Variants in SLC35F3 observed in about 807,000 individuals in gnomAD.
The protein encoded by SLC35F3 is putative thiamine transporter SLC35F3.
Under a neutral mutation model 49.9 loss-of-function variants are expected in SLC35F3, and 25 were observed. That is an observed-to-expected ratio of 0.50 (90% CI 0.37 to 0.70). The LOEUF (loss-of-function observed/expected upper bound fraction) is 0.70. SLC35F3 is among the 30% of genes least tolerant of loss of function. SLC35F3 has a pLI of 0.00. For missense variants in SLC35F3, 525 were observed against 639.8 expected, an observed-to-expected ratio of 0.82 and a Z score of 1.94; for synonymous variants, 275 against 265.4, an observed-to-expected ratio of 1.04 and a Z score of -0.35.
chr1:234,066,819 C>T (rs1435931652), intron 2 of SLC35F3, among the ~76,000 whole-genome samples: 1 of 135,648 alleles, frequency 7.4e-6, no homozygotes, highest in Non-Finnish European at 1.5e-5. Context: ...CTGTCTCTGT[C>T]CCTCTCTCTC....
chr1:234,146,714 A>G (rs1332360351), intron 2 of SLC35F3, among the ~76,000 whole-genome samples: 1 of 151,796 alleles, frequency 6.6e-6, no homozygotes, highest in African/African-American at 2.4e-5. Flanking sequence ...GGGTTTCTCC[A>G]TGTTTGTCAG....
At chr1:233,978,344 A>G (rs185814403) in intron 2 of SLC35F3, among the ~76,000 whole-genome samples, 3 of 152,202 alleles carry the variant, frequency 2.0e-5, no homozygotes, top group Admixed American at 6.5e-5. Context: ...ATTCAATTGC[A>G]TTGATTTCTT....
chr1:233,919,922 G>A (rs1280796808), intron 2 of SLC35F3, among the ~76,000 whole-genome samples: 1 of 152,092 alleles, frequency 6.6e-6, no homozygotes, highest in African/African-American at 2.4e-5. Context: ...CTCCTTCCTC[G>A]CTCTGTACTC....
chr1:234,285,376 C>G, intron 3 of SLC35F3: 1 of 474,744 alleles, frequency 2.1e-6, no homozygotes, highest in South Asian at 1.5e-5. Flanking sequence ...TGTTCAGTAT[C>G]TCAAGCCAAG....
At position 234,269,820 on chromosome 1, in the gene SLC35F3, C is replaced by T. The variant is rs567910419; in HGVS notation, c.608+38079C>T. Among the ~76,000 whole-genome samples, 8 of 152,180 alleles carry T rather than the reference C, an allele frequency of 5.3e-5. No homozygotes were observed. The South Asian group carries it at 1.7e-3, about 32-fold the overall frequency. Reference sequence around the variant, plus strand: ...AGCTGGTTTTTTAAAAAATGGCTGGCACCCCAACCTTCTCTCTTGCTTCCC... The same window carrying T: ...AGCTGGTTTTTTAAAAAATGGCTGGTACCCCAACCTTCTCTCTTGCTTCCC... On this transcript the variant is annotated intron_variant, in intron 3 of 7. Transcript: ENST00000366618.
At position 234,236,470 on chromosome 1, in the gene SLC35F3, A is replaced by T. The variant is rs146161956; in HGVS notation, c.608+4729A>T. Among the ~76,000 whole-genome samples, 6 of 152,134 alleles carry T rather than the reference A, an allele frequency of 3.9e-5. No homozygotes were observed. In the East Asian group the frequency reaches 9.7e-4, roughly 25 times the overall value. ...AAAAAAAAAGAAGTTAGCCAGAAAC[A>T]ATTTATTTAAGGACAAGCAGATGGT... On this transcript the variant is annotated intron_variant, in intron 3 of 7. Transcript: ENST00000366618.
chr1:234,058,088 TACC>T (rs1664481730), intron 2 of SLC35F3, among the ~76,000 whole-genome samples: 7 of 152,134 alleles, frequency 4.6e-5, no homozygotes, highest in Non-Finnish European at 1.0e-4. Context: ...TTTGCATACA[TACC>T]CTTATCAGGG....
chr1:234,321,626 A>C (rs1270890486), intron 7 of SLC35F3, among the ~76,000 whole-genome samples: 2 of 152,192 alleles, frequency 1.3e-5, no homozygotes, highest in African/African-American at 4.8e-5. Flanking sequence ...TCAGCGTATA[A>C]TATGGCCAGG....
At chr1:233,944,099 T>A (rs1662474287) in intron 2 of SLC35F3, among the ~76,000 whole-genome samples, 1 of 152,088 alleles carries the variant, frequency 6.6e-6, no homozygotes, top group East Asian at 1.9e-4. Context: ...AAGATCTCAA[T>A]TTAACAACCT....
At chr1:234,097,131 T>C (rs1665137519) in intron 2 of SLC35F3, among the ~76,000 whole-genome samples, 1 of 152,062 alleles carries the variant, frequency 6.6e-6, no homozygotes, top group Non-Finnish European at 1.5e-5. Context: ...TCAGGTGATC[T>C]GCCCACCTCA....
intron 2 of SLC35F3, among the ~76,000 whole-genome samples, chr1:234,135,351 C>G (rs981512110): frequency 6.6e-6 from 1 of 152,052 alleles, no homozygotes. Context: ...GTATATGCAC[C>G]TATTATGTAC....
chr1:233,923,720 T>C (rs1662106393), intron 2 of SLC35F3, among the ~76,000 whole-genome samples: 1 of 152,228 alleles, frequency 6.6e-6, no homozygotes, highest in Non-Finnish European at 1.5e-5. Flanking sequence ...ATCCCTGTCT[T>C]GTGCCAGTTT....
At chr1:234,084,474 T>A (rs1049636803) in intron 2 of SLC35F3, among the ~76,000 whole-genome samples, 3 of 152,200 alleles carry the variant, frequency 2.0e-5, no homozygotes, top group African/African-American at 7.2e-5. Flanking sequence ...ACCAACTAAC[T>A]TTTGCAGCCT....
chr1:234,009,617 A>G lies in SLC35F3; in HGVS notation c.283+103859A>G, dbSNP rs141872858. Among the ~76,000 whole-genome samples the G allele has an allele frequency of 3.1e-4, 47 of 152,258 alleles. No homozygotes were observed. The East Asian group carries it at 8.1e-3, about 26-fold the overall frequency. On this transcript the variant is annotated intron_variant, in intron 2 of 7. Coordinates refer to ENST00000366618, the MANE Select transcript of SLC35F3 (RefSeq NM_173508.4). The stretch of plus-strand genomic sequence containing the variant: ...GCTGCATAATAACATTCAGCTGAAC[A>G]CCAGAATTGTGCAGTTTACTGAACA...
In SLC35F3 at chr1:233,957,206, A is replaced by G. The variant is rs1416965091; in HGVS notation, c.283+51448A>G. On this transcript the variant is annotated intron_variant, in intron 2 of 7. Transcript: ENST00000366618. This position sits in a 1 kb window ranked among gnomAD's most constrained non-coding sequence, Gnocchi z 4.0. ...AGTCTAGTTTCCAGAGTGGGAGGAG[A>G]TTGTTTTATGTCAGATATGAAATTG... Among the ~76,000 whole-genome samples, 1 of 152,074 alleles carries G rather than the reference A, an allele frequency of 6.6e-6. No individual in the cohort carries two copies. The highest frequency in any genetic ancestry group is 2.4e-5 in the African/African-American group (1 of 41,402).
At chr1:234,057,293 A>G (rs1451221494) in intron 2 of SLC35F3, among the ~76,000 whole-genome samples, 1 of 152,212 alleles carries the variant, frequency 6.6e-6, no homozygotes, top group East Asian at 1.9e-4. Context: ...ATCTAGTAAC[A>G]TGGTATCCTT....
intron 2 of SLC35F3, among the ~76,000 whole-genome samples, chr1:233,938,893 T>C (rs1662377384): frequency 6.6e-6 from 1 of 152,200 alleles, no homozygotes; most frequent in Non-Finnish European, 1.5e-5. Flanking sequence ...AATGTCAAAC[T>C]GCAACACTGC....
rs548587946 is a variant in SLC35F3 at position 234,084,839 on chromosome 1, A to T, written c.284-146578A>T. Among the ~76,000 whole-genome samples the T allele has an allele frequency of 5.9e-5, 9 of 152,260 alleles. No individual in the cohort carries two copies. The South Asian group carries it at 1.7e-3, about 28-fold the overall frequency. On this transcript the variant is annotated intron_variant, in intron 2 of 7. Coordinates refer to ENST00000366618, the MANE Select transcript of SLC35F3 (RefSeq NM_173508.4). ...ATGTATTGTAGTATCTTCAGATTGG[A>T]GCACCTCCCTGGATTTGTTTTTGGG...
chr1:234,133,587 T>C (rs1665765651), intron 2 of SLC35F3, among the ~76,000 whole-genome samples: 1 of 152,202 alleles, frequency 6.6e-6, no homozygotes, highest in South Asian at 2.1e-4. Flanking sequence ...CTATTTTCTA[T>C]ACCAGGTTCT....
Sources: gnomAD v4.1 joint callset for allele counts (sites outside exome capture counted in the v4.1 genomes callset) on GRCh38, gnomAD v4.1.1 for gene constraint, Gnocchi (gnomAD v3.1) non-coding constraint, MANE v1.5 for transcripts, NCBI Gene and HGNC (gene_info 2026-07-23, HGNC 2026-07-21) for gene names.